The following RHOU variants were observed in gnomAD, a reference collection of about 807,000 sequenced individuals.
RHOU encodes ras homolog family member U.
Under a neutral mutation model 12.6 loss-of-function variants are expected in RHOU, and 8 were observed. That is an observed-to-expected ratio of 0.64 (90% CI 0.37 to 1.15). The LOEUF (loss-of-function observed/expected upper bound fraction) is 1.15, where lower values mean the gene tolerates loss of function less well. Ranked by LOEUF, RHOU falls within the 50% of genes most tolerant of loss-of-function variation. The pLI, the probability that RHOU is intolerant of heterozygous loss-of-function variation, is 0.01. For synonymous variants in RHOU, 161 were observed against 147.4 expected (o/e 1.09, Z -0.67); for missense variants, 258 against 347.0 (o/e 0.74, Z 2.04).
At chr1:228,736,612 C>A (rs1662617782) in intron 1 of RHOU, among the ~76,000 whole-genome samples, 1 of 152,148 alleles carries the variant, frequency 6.6e-6, no homozygotes, top group Admixed American at 6.5e-5. Flanking sequence ...CTGAGCCCCA[C>A]CACCTTCCCT....
the RHOU span, among the ~76,000 whole-genome samples, chr1:228,706,617 A>G: frequency 3.3e-5 from 5 of 152,334 alleles, no homozygotes; most frequent in South Asian, 1.0e-3. Flanking sequence ...ACTTACAAGG[A>G]GGCGGCTTTA....
At chr1:228,733,661 A>C (rs949820571), upstream of RHOU, among the ~76,000 whole-genome samples, 1 of 152,194 alleles carries the variant, frequency 6.6e-6, no homozygotes, top group Non-Finnish European at 1.5e-5. Context: ...AGCTCTGCCC[A>C]TCTCAAGCTC....
chr1:228,705,720 T>C, the RHOU span, among the ~76,000 whole-genome samples: 1 of 152,124 alleles, frequency 6.6e-6, no homozygotes, highest in Admixed American at 6.5e-5. Context: ...CCAGTTTCTG[T>C]CATGGCTTCC....
intron 2 of RHOU, among the ~76,000 whole-genome samples, chr1:228,740,801 G>T (rs1662705247): frequency 6.6e-6 from 1 of 152,156 alleles, no homozygotes; most frequent in Admixed American, 6.5e-5. Context: ...GAAGTTGATG[G>T]GAGCAGAGTA....
At chr1:228,688,840 G>A in the RHOU span, among the ~76,000 whole-genome samples, 1 of 152,214 alleles carries the variant, frequency 6.6e-6, no homozygotes, top group South Asian at 2.1e-4. Flanking sequence ...TGTGGTCCTT[G>A]CAGGTCAGCT....
At chr1:228,667,617 G>A in the RHOU span, among the ~76,000 whole-genome samples, 1 of 152,116 alleles carries the variant, frequency 6.6e-6, no homozygotes, top group Non-Finnish European at 1.5e-5. Context: ...ATCCCTCCAT[G>A]TTGGACTTGA....
chr1:228,657,279 C>CAAAAAAA, the RHOU span, among the ~76,000 whole-genome samples: 7 of 27,998 alleles, frequency 2.5e-4, no homozygotes, highest in Admixed American at 6.2e-4. Context: ...AACTCCATCT[C>CAAAAAAA]AAAAAAAAAA....
At chr1:228,736,487 T>C (rs1662615142) in intron 1 of RHOU, among the ~76,000 whole-genome samples, 1 of 152,034 alleles carries the variant, frequency 6.6e-6, no homozygotes, top group African/African-American at 2.4e-5. Context: ...GCGTCTCCGC[T>C]TTAAAGAGCC....
the RHOU span, among the ~76,000 whole-genome samples, chr1:228,687,104 A>G: frequency 1.3e-5 from 2 of 152,190 alleles, no homozygotes; most frequent in Admixed American, 1.3e-4. Flanking sequence ...GATAGAGTAC[A>G]CAAAACTCAT....
At chr1:228,736,055 A>G (rs747712775) in intron 1 of RHOU, 51 bp downstream of exon 1, 2 of 1,535,824 alleles carry the variant, frequency 1.3e-6, no homozygotes, top group Non-Finnish European at 1.7e-6. Flanking sequence ...CGGTCCACCC[A>G]GGGGAAGGAA....
the RHOU span, among the ~76,000 whole-genome samples, chr1:228,664,484 T>C: frequency 1.3e-5 from 2 of 152,136 alleles, no homozygotes; most frequent in Non-Finnish European, 2.9e-5. Context: ...TTATGAAGAA[T>C]GTTAACCTTT....
At chr1:228,707,126 A>ATATATATATATG in the RHOU span, among the ~76,000 whole-genome samples, 919 of 75,328 alleles carry the variant, frequency 0.012, 35 homozygotes, top group African/African-American at 0.12. Context: ...ATATATATAT[A>ATATATATATATG]CATATATATA....
At chr1:228,650,841 C>A in the RHOU span, 1 of 407,086 alleles carries the variant, frequency 2.5e-6, no homozygotes. Context: ...TACATCACAG[C>A]CCAGCTGAAT....
At chr1:228,657,458 G>T in the RHOU span, among the ~76,000 whole-genome samples, 1 of 151,902 alleles carries the variant, frequency 6.6e-6, no homozygotes, top group Non-Finnish European at 1.5e-5. Context: ...ATTAATAAAA[G>T]GTTTAAAATA....
the RHOU span, among the ~76,000 whole-genome samples, chr1:228,661,109 C>T: frequency 6.6e-6 from 1 of 152,068 alleles, no homozygotes; most frequent in South Asian, 2.1e-4. Flanking sequence ...AATAAAATAC[C>T]TAGGAATCCA....
At chr1:228,670,249 G>A in the RHOU span, among the ~76,000 whole-genome samples, 1 of 152,216 alleles carries the variant, frequency 6.6e-6, no homozygotes, top group Non-Finnish European at 1.5e-5. Context: ...GTTAAAACCT[G>A]AGAACAGATC....
chr1:228,657,279 C>CAAAAAAAAAAAAAAAA, the RHOU span, among the ~76,000 whole-genome samples: 1 of 28,036 alleles, frequency 3.6e-5, no homozygotes, highest in Non-Finnish European at 6.2e-5. Context: ...AACTCCATCT[C>CAAAAAAAAAAAAAAAA]AAAAAAAAAA....
chr1:228,716,002 T>A, the RHOU span, among the ~76,000 whole-genome samples: 1 of 151,248 alleles, frequency 6.6e-6, no homozygotes, highest in African/African-American at 2.4e-5. Context: ...GCAGTCAACA[T>A]CTTAGGCTCA....
the RHOU span, among the ~76,000 whole-genome samples, chr1:228,726,944 C>A: frequency 2.6e-5 from 4 of 152,146 alleles, no homozygotes; most frequent in Admixed American, 2.0e-4. Flanking sequence ...TGATTGCATC[C>A]CCATCCAGAA....
Sources: allele counts gnomAD v4.1 joint callset (sites outside exome capture counted in the v4.1 genomes callset), GRCh38; gene constraint gnomAD v4.1.1; transcripts MANE v1.5; gene names NCBI Gene and HGNC (gene_info 2026-07-23, HGNC 2026-07-21).